The following TTC3 variants were observed in gnomAD, a reference collection of about 807,000 sequenced individuals.
TTC3 encodes the protein tetratricopeptide repeat domain 3, also known as E3 ubiquitin-protein ligase TTC3.
Under a neutral mutation model 249.6 loss-of-function variants are expected in TTC3, and 180 were observed. The observed-to-expected ratio is 0.72, with a 90% confidence interval of 0.64 to 0.82. TTC3 has a LOEUF of 0.82. Among genes scored for constraint, TTC3 ranks in the 40% least tolerant of loss-of-function variants. The pLI, the probability that TTC3 is intolerant of heterozygous loss-of-function variation, is 0.00. For synonymous variants in TTC3, 717 were observed against 805.0 expected (o/e 0.89, Z 1.85); for missense variants, 2,061 against 2,398.4 (o/e 0.86, Z 2.94).
exon 46 of TTC3, chr21:37,201,934 T>C: frequency 5.2e-6 from 1 of 190,780 alleles, no homozygotes; most frequent in South Asian, 1.1e-4. Flanking sequence ...TTCCCCACGT[T>C]TGTTCCCCTT....
intron 3 of TTC3, 113 bp downstream of exon 3, chr21:37,087,988 A>C (rs1342056461): frequency 1.0e-6 from 1 of 985,994 alleles, no homozygotes; most frequent in African/African-American, 1.6e-5. Flanking sequence ...ATGTATTCTT[A>C]CTAGTTTTTC....
At chr21:37,150,982 C>A in intron 25 of TTC3, 98 bp downstream of exon 25, 1 of 835,388 alleles carries the variant, frequency 1.2e-6, no homozygotes, top group South Asian at 1.7e-5. Context: ...TAAAAATTGG[C>A]TGTGTATACA....
At chr21:37,118,388 A>G (rs1024822817) in intron 11 of TTC3, among the ~76,000 whole-genome samples, 5 of 152,138 alleles carry the variant, frequency 3.3e-5, no homozygotes, top group Non-Finnish European at 7.4e-5. Flanking sequence ...CACTTTCAGG[A>G]TTTAGAAAGA....
intron 35 of TTC3, among the ~76,000 whole-genome samples, chr21:37,173,953 A>G (rs2082021191): frequency 6.6e-6 from 1 of 152,258 alleles, no homozygotes. Context: ...AAATAGTTTT[A>G]TAAACTTTAT....
At chr21:37,098,031 T>C (rs890588743) in intron 10 of TTC3, 9 of 681,366 alleles carry the variant, frequency 1.3e-5, no homozygotes, top group Non-Finnish European at 1.9e-5. Context: ...TATGCAGCTT[T>C]TAGATGGCTT....
intron 1 of TTC3, among the ~76,000 whole-genome samples, chr21:37,078,688 A>AT (rs1025855105): frequency 3.9e-5 from 6 of 152,098 alleles, no homozygotes; most frequent in Non-Finnish European, 7.4e-5. Flanking sequence ...TACTTCTAAT[A>AT]TTTTTTCTGA....
chr21:37,186,376 T>C (rs1194790993), intron 37 of TTC3, among the ~76,000 whole-genome samples: 1 of 152,242 alleles, frequency 6.6e-6, no homozygotes, highest in Non-Finnish European at 1.5e-5. Context: ...CCTTGTAATA[T>C]GCGTCAAAAC....
intron 10 of TTC3, among the ~76,000 whole-genome samples, chr21:37,099,622 A>T (rs538746626): frequency 6.6e-6 from 1 of 152,396 alleles, no homozygotes; most frequent in East Asian, 1.9e-4. Flanking sequence ...TATACCCATC[A>T]GATGGACAAA....
In TTC3 at chr21:37,108,831, C is replaced by T. The variant is rs146506606; in HGVS notation, c.900+385C>T. On this transcript the variant is annotated intron_variant, in intron 11 of 45. Transcript: ENST00000355666. ...TGCACAAATCAGCAGTGAAGACAAC[C>T]ATCTTGATATATTTGGCTATATCGA... Among the ~76,000 whole-genome samples the T allele has an allele frequency of 2.1e-4, 32 of 152,166 alleles. 1 individual carries two copies. In the East Asian group the frequency reaches 5.6e-3, roughly 27 times the overall value.
At chr21:37,105,028 A>C (rs888233187) in intron 10 of TTC3, among the ~76,000 whole-genome samples, 4 of 152,210 alleles carry the variant, frequency 2.6e-5, no homozygotes, top group Admixed American at 2.6e-4. Context: ...GGAGATTATT[A>C]AGATGTGACC....
chr21:37,117,993 GA>G (rs987044973), intron 11 of TTC3, among the ~76,000 whole-genome samples: 26 of 151,828 alleles, frequency 1.7e-4, no homozygotes, highest in African/African-American at 6.3e-4. Context: ...CTTCTCAGGG[GA>G]TACTCTCTTT....
At chr21:37,167,441 G>GT in intron 33 of TTC3, 114 bp from the exon 34 acceptor site, 1 of 521,518 alleles carries the variant, frequency 1.9e-6, no homozygotes, top group East Asian at 4.1e-5. Flanking sequence ...TGATCTAAAT[G>GT]GGAAAAAAAA....
At chr21:37,180,274 C>T (rs1246464067) in intron 35 of TTC3, among the ~76,000 whole-genome samples, 1 of 152,072 alleles carries the variant, frequency 6.6e-6, no homozygotes, top group Non-Finnish European at 1.5e-5. Flanking sequence ...GACTGCATGC[C>T]ATTCATTTTT....
intron 26 of TTC3, among the ~76,000 whole-genome samples, chr21:37,152,380 T>G (rs900001162): frequency 3.1e-5 from 1 of 32,538 alleles, no homozygotes; most frequent in Admixed American, 3.9e-4. Context: ...AACTAAGTTG[T>G]TTTTTTTTTT....
Position 37,094,091 on chromosome 21 carries a change from G to A in TTC3, c.687+1G>A, listed in dbSNP as rs1601354034. On this transcript the variant is annotated splice_donor_variant, in intron 8 of 45. Coordinates refer to ENST00000355666, the Ensembl canonical transcript of TTC3. LOFTEE classifies it high-confidence loss of function. ...TCAAAGTTGTATGGATTGTATAGAG[G>A]TGAGAATGAATATTATAAATATATT... 1.3e-6 allele frequency: 2 copies of A among 1,544,300 alleles called. No individual in the cohort carries two copies. Among genetic ancestry groups the A allele is most frequent in the East Asian group, 2.3e-5 (1 of 43,860 alleles).
chr21:37,154,541 A>T (rs1265961946), intron 27 of TTC3, among the ~76,000 whole-genome samples: 2 of 152,164 alleles, frequency 1.3e-5, no homozygotes, highest in Non-Finnish European at 2.9e-5. Flanking sequence ...TTTAGGAGAT[A>T]CTCAGGACTG....
chr21:37,092,307 A>T (rs2073377126), intron 7 of TTC3, among the ~76,000 whole-genome samples: 1 of 152,228 alleles, frequency 6.6e-6, no homozygotes. Context: ...GAAAGGAATT[A>T]AATGAAGACA....
At chr21:37,188,278 A>C (rs2083536761) in intron 38 of TTC3, 1 of 453,906 alleles carries the variant, frequency 2.2e-6, no homozygotes. Context: ...TGCAAAAAGG[A>C]TCATGGAAGG....
chr21:37,106,963 C>T (rs1486611863), intron 10 of TTC3, among the ~76,000 whole-genome samples: 1 of 152,122 alleles, frequency 6.6e-6, no homozygotes, highest in East Asian at 1.9e-4. Flanking sequence ...AGTATATTTT[C>T]TCCATGTACC....
Sources: allele counts gnomAD v4.1 joint callset (sites outside exome capture counted in the v4.1 genomes callset), GRCh38; gene constraint gnomAD v4.1.1; transcripts MANE v1.5; gene names NCBI Gene and HGNC (gene_info 2026-07-23, HGNC 2026-07-21).